NR3C1: variants seen among roughly 807,000 people sequenced by gnomAD.
The protein encoded by NR3C1 is nuclear receptor subfamily 3 group C member 1, also known as glucocorticoid receptor.
NR3C1 carries 14 observed loss-of-function variants against 74.0 expected under a neutral mutation model. The observed-to-expected ratio is 0.19, with a 90% CI of 0.12 to 0.30. The LOEUF (loss-of-function observed/expected upper bound fraction) is 0.30. Ranked by LOEUF, NR3C1 falls within the 10% of genes least tolerant of loss-of-function variation. NR3C1 has a pLI of 1.00. For synonymous variants in NR3C1, 308 were observed against 332.5 expected (o/e 0.93, Z 0.80); for missense variants, 695 against 909.8 (o/e 0.76, Z 3.04).
In NR3C1 at chr5:143,310,104, GT is replaced by G; in HGVS notation, c.1460del (p.Asn487ThrfsTer11). 1 of 1,610,832 alleles carries G rather than the reference GT, an allele frequency of 6.2e-7. No homozygotes were observed. The highest frequency in any genetic ancestry group is 8.5e-7 in the Non-Finnish European group (1 of 1,177,178). ...RYRKCLQAGM[N>X]LEARKTKKKI... is the part of the protein sequence containing the mutation. Reference sequence around the variant, plus strand: ...TTCAGATATTTATATTACCTTCCAGGTTCATTCCAGCCTGAAGACATTTTCG... The same window carrying G: ...TTCAGATATTTATATTACCTTCCAGGTCATTCCAGCCTGAAGACATTTTCG... On this transcript the variant is annotated frameshift_variant, in exon 4 of 9. Coordinates refer to ENST00000394464, the MANE Select transcript of NR3C1 (RefSeq NM_000176.3). LOFTEE classifies it high-confidence loss of function.
At chr5:143,338,810 C>A (rs1827668223) in intron 2 of NR3C1, among the ~76,000 whole-genome samples, 1 of 152,146 alleles carries the variant, frequency 6.6e-6, no homozygotes, top group African/African-American at 2.4e-5. Context: ...CAGTAGACTT[C>A]ATATAATAAA....
Position 143,399,636 on chromosome 5 carries a change from C to T in NR3C1, c.1184+20G>A. 1 of 1,532,942 alleles carries T rather than the reference C, an allele frequency of 6.5e-7. No individual in the cohort carries two copies. Among genetic ancestry groups the T allele is most frequent in the Non-Finnish European group, 9.0e-7 (1 of 1,106,152 alleles). 95.0% of individuals were successfully genotyped at this position (1,532,942 alleles called of 1,614,324 possible). ...CCTTAAATGTACCATTCTTAAGAAA[C>T]AGAAAAACACTGATCTTACCTTGAA... On this transcript the variant is annotated intron_variant, in intron 2 of 8. Coordinates refer to ENST00000394464, the MANE Select transcript of NR3C1 (RefSeq NM_000176.3).
At chr5:143,377,914 G>C (rs1835501500) in intron 2 of NR3C1, among the ~76,000 whole-genome samples, 1 of 152,198 alleles carries the variant, frequency 6.6e-6, no homozygotes, top group Non-Finnish European at 1.5e-5. Context: ...TGAGGGAGCT[G>C]AAGTTTCCGT....
At chr5:143,398,806 A>G (rs1839724257) in intron 2 of NR3C1, among the ~76,000 whole-genome samples, 1 of 152,090 alleles carries the variant, frequency 6.6e-6, no homozygotes, top group Admixed American at 6.5e-5. Flanking sequence ...TGATAATTCC[A>G]TTTTCTGACC....
chr5:143,404,164 C>T (rs1203011196), upstream of NR3C1: 3 of 985,422 alleles, frequency 3.0e-6, no homozygotes, highest in African/African-American at 1.7e-5. Context: ...GCCACAAGAG[C>T]CGGGGCGCCT....
At chr5:143,416,695 G>A (rs1841487936) in intron 1 of NR3C1, among the ~76,000 whole-genome samples, 1 of 152,104 alleles carries the variant, frequency 6.6e-6, no homozygotes, top group Non-Finnish European at 1.5e-5. Context: ...TGCTCCTTCT[G>A]GAAGAGACAG....
chr5:143,329,946 T>C (rs1259312278), intron 2 of NR3C1, among the ~76,000 whole-genome samples: 2 of 152,236 alleles, frequency 1.3e-5, no homozygotes, highest in Non-Finnish European at 2.9e-5. Context: ...CTGCATATAA[T>C]GTATATGTAC....
chr5:143,324,804 C>T (rs1824203493), intron 2 of NR3C1, among the ~76,000 whole-genome samples: 1 of 152,162 alleles, frequency 6.6e-6, no homozygotes, highest in Non-Finnish European at 1.5e-5. Context: ...TTTCTTCCAC[C>T]AGATACCCTA....
At chr5:143,311,684 T>C (rs139819962) in intron 3 of NR3C1, among the ~76,000 whole-genome samples, 28 of 152,294 alleles carry the variant, frequency 1.8e-4, no homozygotes, top group African/African-American at 6.7e-4. Context: ...TCTTGCTACG[T>C]TGCCTAGGCT....
intron 2 of NR3C1, among the ~76,000 whole-genome samples, chr5:143,381,797 T>A (rs2151889432): frequency 6.6e-6 from 1 of 152,282 alleles, no homozygotes; most frequent in East Asian, 1.9e-4. Flanking sequence ...ACTAAAGCCC[T>A]AAATCTAAGA....
chr5:143,318,042 A>C (rs956325010), intron 2 of NR3C1, among the ~76,000 whole-genome samples: 4 of 152,074 alleles, frequency 2.6e-5, no homozygotes, highest in Non-Finnish European at 5.9e-5. Flanking sequence ...CCATTCCCTT[A>C]TTAGTGCCAT....
At position 143,300,514 on chromosome 5, in the gene NR3C1, G is replaced by T. The variant is rs1239772923; in HGVS notation, c.1718C>A (p.Ala573Glu). 3.1e-6 allele frequency: 5 copies of T among 1,614,152 alleles called. No homozygotes were observed. The highest frequency in any genetic ancestry group is 4.2e-6 in the Non-Finnish European group (5 of 1,179,986). The change falls in exon 5 of 9, where the codon GCA becomes GAA. Residue 573 changes from alanine (A) to glutamate (E), a missense_variant. Physicochemically the swap from Ala to Glu is moderately radical, Grantham distance 107. Around this residue, in one of 4 missense-constraint regions of NR3C1, gnomAD observed 133 missense variants for 287.9 expected, o/e 0.46. Coordinates refer to ENST00000394464, the MANE Select transcript of NR3C1 (RefSeq NM_000176.3). This position sits in a 1 kb window ranked among gnomAD's most constrained non-coding sequence, Gnocchi z 5.2. ...TATTGCCTTTGCCCATTTCACTGCTGCAATCACTTGCCGCCCTCCTAACAT... is the reference window on the plus strand; with the variant it reads ...TATTGCCTTTGCCCATTTCACTGCTTCAATCACTTGCCGCCCTCCTAACAT... ...LNMLGGRQVI[A>E]AVKWAKAIPG... is the part of the protein sequence containing the mutation.
At position 143,278,942 on chromosome 5, in the gene NR3C1, A is replaced by C. The variant is rs555242390; in HGVS notation, c.*2947T>G. On this transcript the variant is annotated 3_prime_UTR_variant, in exon 9 of 9. Coordinates refer to ENST00000394464, the MANE Select transcript of NR3C1 (RefSeq NM_000176.3). Reference sequence around the variant, plus strand: ...CTCCCATAGTTTTAGGCATTTGGATATATATACCCCAAAAGTGTTATGTCC... The same window carrying C: ...CTCCCATAGTTTTAGGCATTTGGATCTATATACCCCAAAAGTGTTATGTCC... 3 of 165,356 alleles carry C rather than the reference A, an allele frequency of 1.8e-5. No homozygotes were observed. The South Asian group carries it at 4.9e-4, about 27-fold the overall frequency. The allele number at this position is 165,356 out of a possible 1,614,324, so 10.2% of individuals were successfully genotyped here.
At chr5:143,339,484 TATC>T (rs1456526762) in intron 2 of NR3C1, among the ~76,000 whole-genome samples, 1 of 152,232 alleles carries the variant, frequency 6.6e-6, no homozygotes, top group Non-Finnish European at 1.5e-5. Context: ...TCATTTATGT[TATC>T]ATCCTTTTAA....
intron 2 of NR3C1, among the ~76,000 whole-genome samples, chr5:143,361,503 G>A (rs989539409): frequency 6.6e-6 from 1 of 152,164 alleles, no homozygotes; most frequent in Non-Finnish European, 1.5e-5. Flanking sequence ...GATGTGTAAT[G>A]CAAGCCGGGT....
intron 1 of NR3C1, among the ~76,000 whole-genome samples, chr5:143,427,181 A>G (rs1751574221): frequency 6.6e-6 from 1 of 152,190 alleles, no homozygotes; most frequent in South Asian, 2.1e-4. Context: ...TTTGTGTGAC[A>G]AACTGTGTTC....
chr5:143,430,638 T>C (rs893591090), intron 1 of NR3C1, among the ~76,000 whole-genome samples: 2 of 152,164 alleles, frequency 1.3e-5, no homozygotes, highest in African/African-American at 4.8e-5. Flanking sequence ...CCTTTCAGCC[T>C]CTTGAGGACA....
chr5:143,412,443 C>G (rs1484894305), intron 1 of NR3C1, among the ~76,000 whole-genome samples: 1 of 152,064 alleles, frequency 6.6e-6, no homozygotes, highest in Non-Finnish European at 1.5e-5. Flanking sequence ...TCACATTTGG[C>G]AATTTTAATT....
At chr5:143,321,541 C>A (rs184647385) in intron 2 of NR3C1, among the ~76,000 whole-genome samples, 3 of 152,328 alleles carry the variant, frequency 2.0e-5, no homozygotes, top group East Asian at 1.9e-4. Flanking sequence ...ATCCCCCACA[C>A]ACTGCTAAAA....
Sources: gnomAD v4.1 joint callset for allele counts (sites outside exome capture counted in the v4.1 genomes callset) on GRCh38, gnomAD v4.1.1 for gene constraint, gnomAD v4.1.1 regional missense constraint, Gnocchi (gnomAD v3.1) non-coding constraint, MANE v1.5 for transcripts, NCBI Gene and HGNC (gene_info 2026-07-23, HGNC 2026-07-21) for gene names.